Variants in CEP85L observed in about 807,000 individuals in gnomAD.
CEP85L encodes the protein centrosomal protein 85L.
In CEP85L, 60 loss-of-function variants were observed where a neutral mutation model predicts 100.3. That is an observed-to-expected ratio of 0.60 (90% CI 0.49 to 0.74). CEP85L has a LOEUF of 0.74. CEP85L is among the 30% of genes least tolerant of loss of function. The pLI, the probability that CEP85L is intolerant of heterozygous loss-of-function variation, is 0.00. For missense variants in CEP85L, 973 were observed against 936.2 expected (o/e 1.04, Z -0.51); for synonymous variants, 319 against 322.7 (o/e 0.99, Z 0.12).
chr6:118,545,490 AG>A (rs1778142797), intron 3 of CEP85L, among the ~76,000 whole-genome samples: 1 of 152,156 alleles, frequency 6.6e-6, no homozygotes, highest in South Asian at 2.1e-4. Context: ...TGGGAGGCTG[AG>A]GCAGGAGAAT....
rs528670668 is a variant in CEP85L at position 118,572,521 on chromosome 6, G to C, written c.233-6205C>G. ...CGGGAGGCAGAGGTTGCAGTGAGCT[G>C]AGATTGCGCCATTGCACTCCAGTCT... On this transcript the variant is annotated intron_variant, in intron 2 of 12. Coordinates refer to ENST00000368491, the MANE Select transcript of CEP85L (RefSeq NM_001042475.3). Among the ~76,000 whole-genome samples the C allele has an allele frequency of 2.0e-5, 3 of 150,662 alleles. No homozygotes were observed. The South Asian group carries it at 6.3e-4, about 32-fold the overall frequency.
At chr6:118,465,943 C>T (rs1421301650) in intron 12 of CEP85L, among the ~76,000 whole-genome samples, 1 of 152,106 alleles carries the variant, frequency 6.6e-6, no homozygotes, top group Non-Finnish European at 1.5e-5. Flanking sequence ...GAGGTGGTAT[C>T]TTACATATTT....
At chr6:118,694,929 A>G (rs1777158067) in intron 1 of CEP85L, among the ~76,000 whole-genome samples, 2 of 152,092 alleles carry the variant, frequency 1.3e-5, no homozygotes. Context: ...GACTTTTATT[A>G]CTAAGGGATC....
chr6:118,677,386 T>G (rs1480412754), intron 1 of CEP85L, among the ~76,000 whole-genome samples: 3 of 152,342 alleles, frequency 2.0e-5, no homozygotes, highest in Non-Finnish European at 1.5e-5. Flanking sequence ...TCCGTAGTCC[T>G]GAAGTGTCAT....
intron 3 of CEP85L, among the ~76,000 whole-genome samples, chr6:118,531,247 CA>C (rs1402342112): frequency 1.3e-5 from 2 of 151,918 alleles, no homozygotes; most frequent in Non-Finnish European, 2.9e-5. Flanking sequence ...CAAAAACAAT[CA>C]AAAGAGAAAG....
At chr6:118,569,237 G>A (rs12664233) in intron 2 of CEP85L, among the ~76,000 whole-genome samples, 1 of 148,898 alleles carries the variant, frequency 6.7e-6, no homozygotes, top group African/African-American at 2.5e-5. Flanking sequence ...AGCTACACAA[G>A]AGGCTGTGGC....
intron 1 of CEP85L, among the ~76,000 whole-genome samples, chr6:118,680,457 T>C (rs996748548): frequency 3.9e-5 from 6 of 152,154 alleles, no homozygotes; most frequent in African/African-American, 7.2e-5. Context: ...TTTTAGTTTA[T>C]GCATCAGATA....
chr6:118,661,266 T>A (rs1463561700), intron 1 of CEP85L, among the ~76,000 whole-genome samples: 1 of 152,234 alleles, frequency 6.6e-6, no homozygotes, highest in African/African-American at 2.4e-5. Flanking sequence ...CATCTTAAGA[T>A]GTTCTTGTAG....
At chr6:118,560,487 AAG>A (rs1483577179) in intron 3 of CEP85L, 1 of 166,970 alleles carries the variant, frequency 6.0e-6, no homozygotes, top group Non-Finnish European at 1.5e-5. Flanking sequence ...GATGGGGAGG[AAG>A]AGAAGGCGTT....
At chr6:118,490,176 T>C (rs891114410) in intron 6 of CEP85L, among the ~76,000 whole-genome samples, 6 of 152,120 alleles carry the variant, frequency 3.9e-5, no homozygotes, top group African/African-American at 1.4e-4. Flanking sequence ...AGACTGGTGG[T>C]TGTCAGGGAC....
At chr6:118,671,602 A>G (rs1157746777) in intron 1 of CEP85L, among the ~76,000 whole-genome samples, 1 of 152,182 alleles carries the variant, frequency 6.6e-6, no homozygotes, top group African/African-American at 2.4e-5. Flanking sequence ...TGAATAAAGC[A>G]CTGATATACA....
chr6:118,699,456 A>AC (rs1341264882), intron 1 of CEP85L, among the ~76,000 whole-genome samples: 12 of 139,354 alleles, frequency 8.6e-5, no homozygotes, highest in African/African-American at 3.3e-4. Context: ...CCTTGTCTCA[A>AC]AAAAAAAAAA....
At chr6:118,575,477 T>C (rs1459792271) in intron 2 of CEP85L, among the ~76,000 whole-genome samples, 1 of 152,204 alleles carries the variant, frequency 6.6e-6, no homozygotes, top group African/African-American at 2.4e-5. Flanking sequence ...GGCAAGTGCC[T>C]GTCATCCTAT....
intron 1 of CEP85L, among the ~76,000 whole-genome samples, chr6:118,701,270 A>C (rs1347847046): frequency 6.6e-6 from 1 of 152,216 alleles, no homozygotes; most frequent in Non-Finnish European, 1.5e-5. Flanking sequence ...TAGTAATCCC[A>C]TTACAGGGTA....
chr6:118,578,759 T>C (rs901032387), intron 2 of CEP85L, among the ~76,000 whole-genome samples: 44 of 152,144 alleles, frequency 2.9e-4, no homozygotes, highest in African/African-American at 1.0e-3. Context: ...ATCCTCTCTT[T>C]TGTTCGGTGT....
intron 7 of CEP85L, among the ~76,000 whole-genome samples, chr6:118,483,351 A>G (rs1450340345): frequency 6.6e-6 from 1 of 152,176 alleles, no homozygotes; most frequent in East Asian, 1.9e-4. Flanking sequence ...CTAGAAAGAT[A>G]GTCAACAAAA....
intron 3 of CEP85L, among the ~76,000 whole-genome samples, chr6:118,535,298 T>C (rs1777526307): frequency 6.6e-6 from 1 of 152,176 alleles, no homozygotes. Context: ...GGCTATCAAC[T>C]ATCTGATTCT....
chr6:118,680,911 G>A (rs1240484341), intron 1 of CEP85L, among the ~76,000 whole-genome samples: 2 of 151,936 alleles, frequency 1.3e-5, no homozygotes, highest in African/African-American at 4.8e-5. Flanking sequence ...ACTCTAAAGT[G>A]CCTGACTAAA....
chr6:118,569,443 T>TA (rs1379366312), intron 2 of CEP85L, among the ~76,000 whole-genome samples: 1 of 149,244 alleles, frequency 6.7e-6, no homozygotes, highest in Non-Finnish European at 1.5e-5. Context: ...ATATGTACCC[T>TA]AGAACTTAAA....
Sources: allele counts gnomAD v4.1 joint callset (sites outside exome capture counted in the v4.1 genomes callset), GRCh38; gene constraint gnomAD v4.1.1; transcripts MANE v1.5; gene names NCBI Gene and HGNC (gene_info 2026-07-23, HGNC 2026-07-21).